Variants in REPS1 observed in about 807,000 individuals in gnomAD.
The protein encoded by REPS1 is RALBP1 associated Eps domain containing 1.
A neutral mutation model predicts 100.9 loss-of-function variants in REPS1; 39 were observed. The observed-to-expected ratio is 0.39, with a 90% CI of 0.30 to 0.50. The LOEUF (loss-of-function observed/expected upper bound fraction) is 0.50. REPS1 is among the 20% of genes least tolerant of loss of function. REPS1 has a pLI of 0.86. For missense variants in REPS1, 821 were observed against 968.5 expected (o/e 0.85, Z 2.02); for synonymous variants, 324 against 340.3 (o/e 0.95, Z 0.53).
intron 1 of REPS1, among the ~76,000 whole-genome samples, chr6:138,979,957 T>G (rs189092251): frequency 6.6e-6 from 1 of 152,172 alleles, no homozygotes; most frequent in Non-Finnish European, 1.5e-5. Flanking sequence ...ACAGGCCTAC[T>G]TGACAATCTT....
At chr6:138,940,251 CA>C (rs1782144098) in intron 8 of REPS1, among the ~76,000 whole-genome samples, 1 of 152,134 alleles carries the variant, frequency 6.6e-6, no homozygotes, top group Non-Finnish European at 1.5e-5. Context: ...ATTTGAGACC[CA>C]AATTCTATTT....
intron 8 of REPS1, among the ~76,000 whole-genome samples, chr6:138,933,421 A>G (rs577939462): frequency 6.8e-4 from 104 of 152,376 alleles, no homozygotes; most frequent in South Asian, 6.2e-3. Flanking sequence ...TTTGAATTTC[A>G]TACAATTTTT....
Position 138,987,796 on chromosome 6 carries a change from A to C in REPS1, c.-114T>G, listed in dbSNP as rs2128521422. ...CCCGGCCTCCTGCTAGCTTCCCGAA[A>C]ACGCCGGCCCCGGCCTCACACGCGC... On this transcript the variant is annotated 5_prime_UTR_variant, in exon 1 of 20. Coordinates refer to ENST00000450536, the MANE Select transcript of REPS1 (RefSeq NM_001286611.2). 3 of 1,253,646 alleles carry C rather than the reference A, an allele frequency of 2.4e-6. No individual in the cohort carries two copies. Among genetic ancestry groups the C allele is most frequent in the Non-Finnish European group, 2.1e-6 (2 of 967,252 alleles). 77.7% of individuals were successfully genotyped at this position (1,253,646 alleles called of 1,614,324 possible). A position where few individuals can be genotyped will look rare whatever the true frequency, so the allele number is the denominator to read the frequency against.
At chr6:138,987,121 C>A (rs9495295) in intron 1 of REPS1, among the ~76,000 whole-genome samples, 2 of 152,028 alleles carry the variant, frequency 1.3e-5, no homozygotes, top group Non-Finnish European at 2.9e-5. Context: ...CTCGGTTAAT[C>A]CAAGAATTAA....
chr6:138,958,298 G>A (rs929482304), intron 1 of REPS1, among the ~76,000 whole-genome samples: 1 of 152,190 alleles, frequency 6.6e-6, no homozygotes, highest in African/African-American at 2.4e-5. Context: ...GGAAAGTAGA[G>A]GAAATGGTTG....
At chr6:138,909,436 A>G (rs1360978936) in intron 17 of REPS1, among the ~76,000 whole-genome samples, 2 of 152,226 alleles carry the variant, frequency 1.3e-5, no homozygotes, top group Non-Finnish European at 2.9e-5. Flanking sequence ...CTCTTTAGTT[A>G]AGTGATATTT....
In REPS1 at chr6:138,955,440, T is replaced by TA. The variant is rs71645327; in HGVS notation, c.154-7528dup. On this transcript the variant is annotated intron_variant, in intron 1 of 19. Coordinates refer to ENST00000450536, the MANE Select transcript of REPS1 (RefSeq NM_001286611.2). ...GCAACAGAATTAAACCCTGTCTCTT[T>TA]AAAAAAAAAAAAAAAAAGTGTGTGT... 8.0e-3 allele frequency among the ~76,000 whole-genome samples: 784 copies of TA among 97,510 alleles called. 14 individuals carry two copies. The highest frequency in any genetic ancestry group is 0.02 in the African/African-American group (450 of 22,540). 64.0% of individuals were successfully genotyped at this position (97,510 alleles called of 152,430 possible).
chr6:138,968,163 C>T (rs1157065641), intron 1 of REPS1, among the ~76,000 whole-genome samples: 2 of 152,084 alleles, frequency 1.3e-5, no homozygotes. Flanking sequence ...GTGAAAAATC[C>T]TAAATCAAAT....
chr6:138,910,688 A>G (rs1446419956), intron 17 of REPS1, among the ~76,000 whole-genome samples: 2 of 152,162 alleles, frequency 1.3e-5, no homozygotes. Flanking sequence ...CCAGTCTCAC[A>G]TATTCCTTTA....
At chr6:138,952,296 T>C (rs992943863) in intron 1 of REPS1, among the ~76,000 whole-genome samples, 3 of 151,990 alleles carry the variant, frequency 2.0e-5, no homozygotes, top group Non-Finnish European at 4.4e-5. Context: ...CTTATATAAA[T>C]GGAAAAATCT....
intron 1 of REPS1, among the ~76,000 whole-genome samples, chr6:138,977,145 G>A (rs1172726679): frequency 6.6e-6 from 1 of 152,148 alleles, no homozygotes; most frequent in Non-Finnish European, 1.5e-5. Flanking sequence ...ATTATACAGT[G>A]TATAGAGCAC....
chr6:138,959,504 C>T (rs965755568), intron 1 of REPS1, among the ~76,000 whole-genome samples: 5 of 152,108 alleles, frequency 3.3e-5, no homozygotes, highest in Non-Finnish European at 7.4e-5. Context: ...AGGATCTTCC[C>T]TTTTCAGTCA....
intron 8 of REPS1, among the ~76,000 whole-genome samples, chr6:138,935,037 A>G (rs1214675815): frequency 6.6e-6 from 1 of 152,182 alleles, no homozygotes; most frequent in African/African-American, 2.4e-5. Flanking sequence ...TTCTTGAATG[A>G]TATTATATGC....
At chr6:138,975,073 C>T (rs1319412679) in intron 1 of REPS1, among the ~76,000 whole-genome samples, 3 of 152,122 alleles carry the variant, frequency 2.0e-5, no homozygotes, top group African/African-American at 2.4e-5. Context: ...AGTCTGCACA[C>T]GCTTCTAAAG....
chr6:138,932,160 C>G (rs1400880752), intron 8 of REPS1, among the ~76,000 whole-genome samples: 1 of 152,118 alleles, frequency 6.6e-6, no homozygotes. Context: ...GGGAATATTT[C>G]TGGTTCACTG....
In REPS1 at chr6:138,915,908, T is replaced by C. The variant is rs1351291136; in HGVS notation, c.1670A>G (p.His557Arg). 1 of 1,613,978 alleles carries C rather than the reference T, an allele frequency of 6.2e-7. No homozygotes were observed. The highest frequency in any genetic ancestry group is 8.5e-7 in the Non-Finnish European group (1 of 1,179,968). Residue 557 changes from histidine (H) to arginine (R), a missense_variant, in exon 14 of 20, where the codon CAT (histidine) becomes CGT (arginine). This residue lies in a region of REPS1 where 757 missense variants were observed against 866.4 expected (regional missense o/e 0.87). Transcript: ENST00000450536. ...CATATCTAAAGATGATGATCTAGAA[T>C]GAGAGGGCTGTGGCCTTGGAGGGGG... ...PPPPPRPQPS[H>R]SRSSSLDMNR... is the part of the protein sequence containing the mutation.
At position 138,987,923 on chromosome 6, in the gene REPS1, G is replaced by GCTGCGC. The variant is rs1785374886; in HGVS notation, c.-242_-241insGCGCAG. 1 of 377,590 alleles carries GCTGCGC rather than the reference G, an allele frequency of 2.6e-6. No homozygotes were observed. Among genetic ancestry groups the GCTGCGC allele is most frequent in the African/African-American group, 2.1e-5 (1 of 47,430 alleles). The allele number at this position is 377,590 out of a possible 1,614,324, so 23.4% of individuals were successfully genotyped here. A position where few individuals can be genotyped will look rare whatever the true frequency, so the allele number is the denominator to read the frequency against. ...GGCCCGGCGCGCGGCTGCGGCTGCG[G>GCTGCGC]CTGCGACTACGGCTCCGGCTCCGGC... On this transcript the variant is annotated 5_prime_UTR_variant, in exon 1 of 20. Transcript: ENST00000450536.
chr6:138,955,027 C>T (rs1381899163), intron 1 of REPS1, among the ~76,000 whole-genome samples: 1 of 152,150 alleles, frequency 6.6e-6, no homozygotes, highest in Non-Finnish European at 1.5e-5. Flanking sequence ...TTAACCAATC[C>T]TCTACTGATG....
intron 2 of REPS1, 56 bp from the exon 3 acceptor site, chr6:138,945,753 A>C (rs1782572802): frequency 1.5e-6 from 2 of 1,313,874 alleles, no homozygotes; most frequent in Non-Finnish European, 2.0e-6. Context: ...ATATATTGAA[A>C]ACTAAAATAA....
Sources: gnomAD v4.1 joint callset for allele counts (sites outside exome capture counted in the v4.1 genomes callset) on GRCh38, gnomAD v4.1.1 for gene constraint, gnomAD v4.1.1 regional missense constraint, MANE v1.5 for transcripts, NCBI Gene and HGNC (gene_info 2026-07-23, HGNC 2026-07-21) for gene names.